The following KDM5A variants were observed in gnomAD, a reference collection of about 807,000 sequenced individuals.
KDM5A encodes the protein lysine demethylase 5A.
A neutral mutation model predicts 193.5 loss-of-function variants in KDM5A; 42 were observed. The observed-to-expected ratio is 0.22, with a 90% CI of 0.17 to 0.28. KDM5A has a LOEUF of 0.28. Among genes scored for constraint, KDM5A ranks in the 10% least tolerant of loss-of-function variants. The pLI, the probability that KDM5A is intolerant of heterozygous loss-of-function variation, is 1.00. For missense variants in KDM5A, 1,692 were observed against 2,055.1 expected, an observed-to-expected ratio of 0.82 and a Z score of 3.42; for synonymous variants, 796 against 718.1, an observed-to-expected ratio of 1.11 and a Z score of -1.73.
chr12:380,021 C>A (rs1944555719), intron 3 of KDM5A, among the ~76,000 whole-genome samples: 1 of 152,082 alleles, frequency 6.6e-6, no homozygotes, highest in Non-Finnish European at 1.5e-5. Flanking sequence ...GTAATCCCAC[C>A]ATTTTGGGAG....
intron 4 of KDM5A, among the ~76,000 whole-genome samples, chr12:364,310 A>G (rs1236537501): frequency 6.6e-6 from 1 of 152,032 alleles, no homozygotes; most frequent in Non-Finnish European, 1.5e-5. Flanking sequence ...TGTCTCTACT[A>G]AAAATACAAA....
At chr12:383,147 T>C (rs1448539864) in intron 3 of KDM5A, among the ~76,000 whole-genome samples, 1 of 152,054 alleles carries the variant, frequency 6.6e-6, no homozygotes, top group East Asian at 1.9e-4. Flanking sequence ...CATACACGTA[T>C]TAACAAAACT....
At chr12:360,390 G>A (rs553875529) in intron 5 of KDM5A, among the ~76,000 whole-genome samples, 2 of 152,070 alleles carry the variant, frequency 1.3e-5, no homozygotes, top group African/African-American at 4.8e-5. Context: ...ACAAAATAAA[G>A]GGAAGAGAAA....
chr12:307,357 G>A lies in KDM5A; in HGVS notation c.3930+97C>T, dbSNP rs555713266. 1.3e-5 allele frequency: 18 copies of A among 1,336,756 alleles called. No homozygotes were observed. The East Asian group carries it at 2.8e-4, about 21-fold the overall frequency. 82.8% of individuals were successfully genotyped at this position (1,336,756 alleles called of 1,614,324 possible). ...AATGGATAATTGCTGACAAGTTACTGTTATTTTCCTAATCAATTGGTAAGA... is the reference window on the plus strand; with the variant it reads ...AATGGATAATTGCTGACAAGTTACTATTATTTTCCTAATCAATTGGTAAGA... On this transcript the variant is annotated intron_variant, in intron 23 of 27. Coordinates refer to ENST00000399788, the MANE Select transcript of KDM5A (RefSeq NM_001042603.3). This position sits in a 1 kb window ranked among gnomAD's most constrained non-coding sequence, Gnocchi z 4.3.
intron 10 of KDM5A, among the ~76,000 whole-genome samples, chr12:340,185 C>T (rs1369584551): frequency 6.6e-6 from 1 of 152,008 alleles, no homozygotes; most frequent in Non-Finnish European, 1.5e-5. Context: ...GCCAAAAAGT[C>T]TGACTTTTGA....
intron 10 of KDM5A, among the ~76,000 whole-genome samples, chr12:350,020 T>G (rs1944133968): frequency 4.0e-5 from 6 of 151,560 alleles, no homozygotes. Context: ...CCCAGCTACT[T>G]GGGAGGTTGA....
rs529375164 is a variant in KDM5A, at chr12:307,637, C to T, written c.3747G>A (p.Leu1249=). Residue 1249 remains leucine, a synonymous_variant, in exon 23 of 28, where the codon TTG becomes TTA. Coordinates refer to ENST00000399788, the MANE Select transcript of KDM5A (RefSeq NM_001042603.3). The surrounding 1 kb of genome is among the most constrained non-coding windows in gnomAD (Gnocchi z 4.3). ...CTTGCCAACTCATAGCACGTTCTGT[C>T]AAACACTGCAGGGCCTCTCCTTCAG... is the stretch of plus-strand genomic sequence containing the variant. ...RLPEGEALQC[L]TERAMSWQDR... The T allele has an allele frequency of 3.3e-5, 53 of 1,614,190 alleles. No individual in the cohort carries two copies. The East Asian group carries it at 1.1e-3, about 33-fold the overall frequency.
intron 3 of KDM5A, among the ~76,000 whole-genome samples, chr12:369,942 G>A (rs979561692): frequency 1.3e-5 from 2 of 152,270 alleles, no homozygotes; most frequent in East Asian, 3.9e-4. Context: ...GCCAGGATAC[G>A]GCCATGACAA....
Position 306,817 on chromosome 12 carries a change from C to G in KDM5A, c.4074+129G>C, listed in dbSNP as rs1228061925. On this transcript the variant is annotated intron_variant, in intron 24 of 27. Transcript: ENST00000399788. ...TGAAAAAATGCTACGACTAAAAACT[C>G]AGAACAGATAAATGATTAGTTTTCT... The G allele has an allele frequency of 1.0e-5, 10 of 956,598 alleles. No homozygotes were observed. The South Asian group carries it at 1.1e-4, about 10-fold the overall frequency. The allele number at this position is 956,598 out of a possible 1,614,324, so 59.3% of individuals were successfully genotyped here.
In KDM5A at chr12:285,137, T is replaced by C. The variant is rs1297263287; in HGVS notation, c.*319A>G. On this transcript the variant is annotated 3_prime_UTR_variant, in exon 28 of 28. Coordinates refer to ENST00000399788, the MANE Select transcript of KDM5A (RefSeq NM_001042603.3). ...CAAAAGCCACATCCTATATGCCCTG[T>C]TAGCACACCAATGTATTAATACTAA... The C allele has an allele frequency of 1.2e-5, 5 of 421,076 alleles. No individual in the cohort carries two copies. Among genetic ancestry groups the C allele is most frequent in the African/African-American group, 1.9e-5 (1 of 51,312 alleles). 26.1% of individuals were successfully genotyped at this position (421,076 alleles called of 1,614,324 possible). A position where few individuals can be genotyped will look rare whatever the true frequency, so the allele number is the denominator to read the frequency against.
intron 27 of KDM5A, among the ~76,000 whole-genome samples, chr12:287,594 C>T (rs16929167): frequency 0.026 from 3,941 of 151,774 alleles, 161 homozygotes; most frequent in African/African-American, 0.09. Context: ...CTGTAGAGTA[C>T]GTGCACTCAG....
intron 10 of KDM5A, among the ~76,000 whole-genome samples, chr12:335,540 G>C (rs1943918183): frequency 6.6e-6 from 1 of 152,122 alleles, no homozygotes; most frequent in Non-Finnish European, 1.5e-5. Context: ...TGGATGTCAG[G>C]AACTGGCAGG....
At position 375,743 on chromosome 12, in the gene KDM5A, T is replaced by G. The variant is rs549836268; in HGVS notation, c.366+8288A>C. ...TCTTTGGTCTTTGATGATGGTGATGTACAAATGGGATTTTGGTGTGGATGT... is the reference window on the plus strand; with the variant it reads ...TCTTTGGTCTTTGATGATGGTGATGGACAAATGGGATTTTGGTGTGGATGT... On this transcript the variant is annotated intron_variant, in intron 3 of 27. Coordinates refer to ENST00000399788, the MANE Select transcript of KDM5A (RefSeq NM_001042603.3). Among the ~76,000 whole-genome samples, 22 of 152,352 alleles carry G rather than the reference T, an allele frequency of 1.4e-4. No homozygotes were observed. The South Asian group carries it at 3.7e-3, about 26-fold the overall frequency.
chr12:307,192 G>A lies in KDM5A; in HGVS notation c.3931-103C>T. 4 of 1,358,680 alleles carry A rather than the reference G, an allele frequency of 2.9e-6. No individual in the cohort carries two copies. The South Asian group carries it at 3.6e-5, about 12-fold the overall frequency. 84.2% of individuals were successfully genotyped at this position (1,358,680 alleles called of 1,614,324 possible). A position where few individuals can be genotyped will look rare whatever the true frequency, so the allele number is the denominator to read the frequency against. ...CAAAATGTAATGAATAAGCAAAGTG[G>A]CTAACAGAGTTCTTCAACAGTTAGT... On this transcript the variant is annotated intron_variant, in intron 23 of 27. Transcript: ENST00000399788. This position sits in a 1 kb window ranked among gnomAD's most constrained non-coding sequence, Gnocchi z 4.3.
chr12:351,007 A>G (rs1272493156), intron 9 of KDM5A, among the ~76,000 whole-genome samples: 1 of 152,168 alleles, frequency 6.6e-6, no homozygotes, highest in Non-Finnish European at 1.5e-5. Context: ...CCTTTTCCGA[A>G]AGAAACTGTT....
At chr12:366,226 G>C (rs1944355465) in intron 3 of KDM5A, 122 bp from the exon 4 acceptor site, 2 of 786,416 alleles carry the variant, frequency 2.5e-6, no homozygotes, top group Non-Finnish European at 4.3e-6. Flanking sequence ...CTTTCAATGA[G>C]TATCTAACCA....
intron 8 of KDM5A, among the ~76,000 whole-genome samples, chr12:353,335 GTAAATAAATAAATAC>G (rs1227489130): frequency 6.6e-6 from 1 of 152,026 alleles, no homozygotes; most frequent in Non-Finnish European, 1.5e-5. Context: ...TCTCAAAAAA[GTAAATAAATAAATAC>G]TAAATAAATA....
rs1565556592 is a variant in KDM5A at position 388,911 on chromosome 12, TCA to T, written c.165+14_165+15del. ...CATTCTTCCTTCTCCCCCTCTCTCT[TCA>T]CAGACTGAGGTACCTTGGGCGGCCG... On this transcript the variant is annotated intron_variant, in intron 1 of 27. Coordinates refer to ENST00000399788, the MANE Select transcript of KDM5A (RefSeq NM_001042603.3). 4.3e-6 allele frequency: 7 copies of T among 1,613,878 alleles called. No individual in the cohort carries two copies. The Admixed American group carries it at 5.0e-5, about 12-fold the overall frequency.
At chr12:304,381 C>T (rs1013195666) in intron 24 of KDM5A, among the ~76,000 whole-genome samples, 3 of 150,590 alleles carry the variant, frequency 2.0e-5, no homozygotes, top group East Asian at 1.9e-4. Context: ...GCAAATAAAC[C>T]GGCAAATAAA....
Sources: allele counts gnomAD v4.1 joint callset (sites outside exome capture counted in the v4.1 genomes callset), GRCh38; gene constraint gnomAD v4.1.1; non-coding constraint Gnocchi (gnomAD v3.1); transcripts MANE v1.5; gene names NCBI Gene and HGNC (gene_info 2026-07-23, HGNC 2026-07-21).